Variants in SCAPER observed in about 807,000 individuals in gnomAD.
SCAPER encodes S phase cyclin A-associated protein in the endoplasmic reticulum.
Under a neutral mutation model 182.2 loss-of-function variants are expected in SCAPER, and 98 were observed. That is an observed-to-expected ratio of 0.54 (90% CI 0.46 to 0.64). SCAPER has a LOEUF of 0.64. Among genes scored for constraint, SCAPER ranks in the 30% least tolerant of loss-of-function variants. The probability of loss-of-function intolerance (pLI) is 0.00; values close to 1 mark genes in which losing one functional copy is unlikely to be tolerated. For synonymous variants in SCAPER, 605 were observed against 564.6 expected (o/e 1.07, Z -1.01); for missense variants, 1,432 against 1,690.0 (o/e 0.85, Z 2.68).
intron 26 of SCAPER, 36 bp downstream of exon 26, chr15:76,434,039 TAAC>T (rs2047033370): frequency 6.5e-7 from 1 of 1,532,750 alleles, no homozygotes; most frequent in African/African-American, 1.4e-5. Context: ...TATAGTTTCT[TAAC>T]AAAGAACAAA....
At chr15:76,860,340 T>G (rs1042538840) in intron 3 of SCAPER, among the ~76,000 whole-genome samples, 1 of 152,192 alleles carries the variant, frequency 6.6e-6, no homozygotes, top group Non-Finnish European at 1.5e-5. Flanking sequence ...GTGGAAAGAT[T>G]AGCTGTTAAG....
At chr15:76,421,583 C>G (rs1377142534) in intron 26 of SCAPER, among the ~76,000 whole-genome samples, 2 of 152,300 alleles carry the variant, frequency 1.3e-5, no homozygotes, top group Non-Finnish European at 2.9e-5. Flanking sequence ...CCTGTTTACT[C>G]TGATGGTAGT....
intron 23 of SCAPER, among the ~76,000 whole-genome samples, chr15:76,522,441 A>G (rs2042905238): frequency 6.6e-6 from 1 of 152,160 alleles, no homozygotes; most frequent in African/African-American, 2.4e-5. Flanking sequence ...TTTAAGTTTT[A>G]TATTTTGAGG....
At chr15:76,642,084 A>C (rs1293676240) in intron 21 of SCAPER, among the ~76,000 whole-genome samples, 1 of 152,194 alleles carries the variant, frequency 6.6e-6, no homozygotes, top group Non-Finnish European at 1.5e-5. Context: ...ATGGTTAAAA[A>C]TATGCTACTC....
chr15:76,603,693 T>C lies in SCAPER; in HGVS notation c.2711+18071A>G, dbSNP rs529840024. 3.1e-4 allele frequency among the ~76,000 whole-genome samples: 38 copies of C among 121,356 alleles called. 9 individuals are homozygous for C. In the South Asian group the frequency reaches 5.9e-3, roughly 19 times the overall value. The allele number at this position is 121,356 out of a possible 152,430, so 79.6% of individuals were successfully genotyped here. ...TTCTCCACATCCTCTCCAGCACCTG[T>C]TGTTTCCTGACTTTTTAATGATCGC... On this transcript the variant is annotated intron_variant, in intron 22 of 31. Coordinates refer to ENST00000563290, the MANE Select transcript of SCAPER (RefSeq NM_020843.4).
At chr15:76,742,054 T>G (rs571521342) in intron 15 of SCAPER, among the ~76,000 whole-genome samples, 8 of 151,940 alleles carry the variant, frequency 5.3e-5, no homozygotes, top group African/African-American at 1.9e-4. Flanking sequence ...AAAGGATTGG[T>G]TAGAGAGTAG....
intron 15 of SCAPER, among the ~76,000 whole-genome samples, chr15:76,739,781 C>T (rs1309478754): frequency 1.6e-4 from 24 of 152,068 alleles, no homozygotes; most frequent in Non-Finnish European, 1.5e-5. Context: ...GATTCGTGAG[C>T]TAAGGAAACA....
intron 20 of SCAPER, among the ~76,000 whole-genome samples, chr15:76,676,884 A>G (rs1177535846): frequency 6.6e-6 from 1 of 150,828 alleles, no homozygotes; most frequent in Non-Finnish European, 1.5e-5. Context: ...AATATATATT[A>G]ATATGTACTT....
chr15:76,641,502 G>A (rs2054102008), intron 21 of SCAPER, among the ~76,000 whole-genome samples: 1 of 152,064 alleles, frequency 6.6e-6, no homozygotes, highest in African/African-American at 2.4e-5. Context: ...TATCTTGTAT[G>A]TGTCTATTAT....
At chr15:76,607,877 T>C (rs192655819) in intron 22 of SCAPER, among the ~76,000 whole-genome samples, 208 of 152,338 alleles carry the variant, frequency 1.4e-3, no homozygotes, top group African/African-American at 5.0e-3. Flanking sequence ...TCAGGTCCTC[T>C]AAGGACTTCT....
intron 3 of SCAPER, chr15:76,861,776 T>A (rs191048517): frequency 9.2e-5 from 14 of 152,316 alleles, no homozygotes; most frequent in Non-Finnish European, 1.6e-4. Context: ...TTAGTCCATT[T>A]TCATACTGCT....
At chr15:76,674,803 A>G (rs2057266379) in intron 20 of SCAPER, among the ~76,000 whole-genome samples, 1 of 151,470 alleles carries the variant, frequency 6.6e-6, no homozygotes, top group South Asian at 2.1e-4. Flanking sequence ...TAATACAATT[A>G]TGCAGCAAAG....
At chr15:76,821,383 C>T (rs1047630887) in intron 5 of SCAPER, among the ~76,000 whole-genome samples, 1 of 152,178 alleles carries the variant, frequency 6.6e-6, no homozygotes, top group African/African-American at 2.4e-5. Flanking sequence ...CTTTGGGAGG[C>T]CAGGGCCGAG....
chr15:76,361,535 T>C (rs538306449), intron 29 of SCAPER, among the ~76,000 whole-genome samples: 14 of 152,344 alleles, frequency 9.2e-5, no homozygotes, highest in African/African-American at 2.2e-4. Context: ...AAAGTGGGCT[T>C]TCTGGCCTAG....
intron 23 of SCAPER, among the ~76,000 whole-genome samples, chr15:76,530,600 T>C (rs2043575249): frequency 6.6e-6 from 1 of 152,222 alleles, no homozygotes. Context: ...TTGTTCTTCC[T>C]ATGGTTTTTC....
chr15:76,602,914 T>C (rs2050024607), intron 22 of SCAPER, among the ~76,000 whole-genome samples: 1 of 109,014 alleles, frequency 9.2e-6, no homozygotes. Context: ...CTGGCATTTC[T>C]TTTTTTTTTT....
At chr15:76,415,214 T>G (rs567886796) in intron 26 of SCAPER, among the ~76,000 whole-genome samples, 1 of 152,348 alleles carries the variant, frequency 6.6e-6, no homozygotes, top group Admixed American at 6.5e-5. Context: ...CAATTTGGTG[T>G]TAAATTGTTG....
chr15:76,841,585 T>A (rs2069484138), intron 5 of SCAPER, 149 bp downstream of exon 5: 4 of 744,128 alleles, frequency 5.4e-6, no homozygotes, highest in Non-Finnish European at 8.5e-6. Context: ...AGGCAGAGGT[T>A]GTAATGAGCC....
At chr15:76,687,603 C>G (rs1003801564) in intron 20 of SCAPER, among the ~76,000 whole-genome samples, 2 of 152,116 alleles carry the variant, frequency 1.3e-5, no homozygotes. Context: ...CACCCCATCC[C>G]CAACAGGCCC....
Sources: allele counts gnomAD v4.1 joint callset (sites outside exome capture counted in the v4.1 genomes callset), GRCh38; gene constraint gnomAD v4.1.1; transcripts MANE v1.5; gene names NCBI Gene and HGNC (gene_info 2026-07-23, HGNC 2026-07-21).